Variants in EHBP1 observed in about 807,000 individuals in gnomAD.
EHBP1 encodes EH domain binding protein 1, also known as EH domain-binding protein 1.
A neutral mutation model predicts 144.0 loss-of-function variants in EHBP1; 55 were observed. That is an observed-to-expected ratio of 0.38 (90% CI 0.31 to 0.48). EHBP1 has a LOEUF of 0.48. Among genes scored for constraint, EHBP1 ranks in the 20% least tolerant of loss-of-function variants. The probability of loss-of-function intolerance (pLI) is 0.98; values close to 1 mark genes in which losing one functional copy is unlikely to be tolerated. For synonymous variants in EHBP1, 469 were observed against 472.7 expected, an observed-to-expected ratio of 0.99 and a Z score of 0.10; for missense variants, 1,200 against 1,364.2, an observed-to-expected ratio of 0.88 and a Z score of 1.90.
intron 5 of EHBP1, among the ~76,000 whole-genome samples, chr2:62,823,160 G>C (rs1302093248): frequency 6.6e-6 from 1 of 151,968 alleles, no homozygotes; most frequent in East Asian, 1.9e-4. Flanking sequence ...TTTTAATAAT[G>C]TTTCTTAGTT....
At chr2:62,915,187 C>A (rs916041030) in intron 10 of EHBP1, among the ~76,000 whole-genome samples, 3 of 151,796 alleles carry the variant, frequency 2.0e-5, no homozygotes, top group East Asian at 1.9e-4. Flanking sequence ...TGTAAAGATT[C>A]TTTTTGCTAT....
chr2:62,756,177 T>C (rs1377934352), intron 3 of EHBP1, among the ~76,000 whole-genome samples: 1 of 152,168 alleles, frequency 6.6e-6, no homozygotes, highest in Non-Finnish European at 1.5e-5. Context: ...TGCATTTACA[T>C]TGAAAAGATT....
chr2:62,816,224 T>C (rs1291748086), intron 5 of EHBP1, among the ~76,000 whole-genome samples: 1 of 152,228 alleles, frequency 6.6e-6, no homozygotes, highest in Non-Finnish European at 1.5e-5. Flanking sequence ...AACCAGACTT[T>C]AAAGAGACTT....
At chr2:62,713,027 T>C (rs2035306500) in intron 2 of EHBP1, among the ~76,000 whole-genome samples, 2 of 152,190 alleles carry the variant, frequency 1.3e-5, no homozygotes, top group South Asian at 4.1e-4. Context: ...AGATAATCTT[T>C]TGCACCTTCC....
rs531081676 is a variant in EHBP1 at position 62,845,777 on chromosome 2, C to T, written c.635-13392C>T. On this transcript the variant is annotated intron_variant, in intron 7 of 22. Transcript: ENST00000431489. ...TACTTGGAGGTTGACATGAGAGGAT[C>T]GCCTTAGCCAAAAAAAATTTTGTTT... Among the ~76,000 whole-genome samples, 10 of 150,618 alleles carry T rather than the reference C, an allele frequency of 6.6e-5. No homozygotes were observed. In the East Asian group the frequency reaches 7.8e-4, roughly 12 times the overall value.
At chr2:62,957,898 G>A (rs1163070251) in intron 14 of EHBP1, among the ~76,000 whole-genome samples, 9 of 151,680 alleles carry the variant, frequency 5.9e-5, no homozygotes, top group Admixed American at 4.6e-4. Context: ...CGCCCGCCTC[G>A]GCCTCCCAAA....
chr2:62,696,796 C>T (rs1007525958), intron 1 of EHBP1, among the ~76,000 whole-genome samples: 3 of 151,994 alleles, frequency 2.0e-5, no homozygotes, highest in African/African-American at 7.2e-5. Flanking sequence ...GGATTACAGG[C>T]GTGAGCCACC....
chr2:62,936,129 G>A (rs190380661), intron 10 of EHBP1, among the ~76,000 whole-genome samples: 54 of 152,198 alleles, frequency 3.5e-4, no homozygotes, highest in Admixed American at 3.3e-3. Context: ...AAATGAGTTA[G>A]AGAATAAGCT....
intron 10 of EHBP1, among the ~76,000 whole-genome samples, chr2:62,928,228 T>C (rs1326440444): frequency 1.3e-5 from 2 of 152,194 alleles, no homozygotes; most frequent in Non-Finnish European, 2.9e-5. Context: ...GCCTGTTAGA[T>C]AGTACTCTGT....
chr2:62,874,253 A>G (rs1380798058), intron 9 of EHBP1, 93 bp from the exon 10 acceptor site: 2 of 993,460 alleles, frequency 2.0e-6, no homozygotes, highest in Non-Finnish European at 2.8e-6. Context: ...ATTTGAAAAA[A>G]GAAATTTTAG....
intron 5 of EHBP1, among the ~76,000 whole-genome samples, chr2:62,777,155 A>G (rs767573123): frequency 1.5e-4 from 23 of 152,126 alleles, no homozygotes; most frequent in Non-Finnish European, 2.9e-4. Flanking sequence ...TCTATTTTGT[A>G]GAGACGGAGT....
At chr2:62,939,269 C>CT (rs1211704189) in intron 10 of EHBP1, among the ~76,000 whole-genome samples, 3 of 151,762 alleles carry the variant, frequency 2.0e-5, no homozygotes, top group Non-Finnish European at 4.4e-5. Flanking sequence ...AAATGGATTG[C>CT]TTTTTTTTCT....
At chr2:62,946,536 G>T (rs1185017800) in intron 12 of EHBP1, among the ~76,000 whole-genome samples, 1 of 152,076 alleles carries the variant, frequency 6.6e-6, no homozygotes, top group African/African-American at 2.4e-5. Flanking sequence ...TAACCCATGT[G>T]CCCTTGAATG....
chr2:62,828,645 A>G (rs1393009086), intron 6 of EHBP1, among the ~76,000 whole-genome samples: 1 of 152,192 alleles, frequency 6.6e-6, no homozygotes, highest in Admixed American at 6.5e-5. Flanking sequence ...GGGGTTTGCC[A>G]CTTTGTTTCC....
intron 2 of EHBP1, among the ~76,000 whole-genome samples, chr2:62,729,689 C>T (rs1233066745): frequency 6.8e-6 from 1 of 146,142 alleles, no homozygotes; most frequent in Non-Finnish European, 1.5e-5. Flanking sequence ...AATGAATAGC[C>T]TTTATGTTTG....
At chr2:62,943,237 G>A (rs1170724359) in intron 11 of EHBP1, among the ~76,000 whole-genome samples, 1 of 152,116 alleles carries the variant, frequency 6.6e-6, no homozygotes, top group Non-Finnish European at 1.5e-5. Context: ...TTAGCCAGGT[G>A]TGGTGGCGCA....
chr2:62,898,584 C>A (rs1271235157), intron 10 of EHBP1, among the ~76,000 whole-genome samples: 1 of 152,136 alleles, frequency 6.6e-6, no homozygotes, highest in Non-Finnish European at 1.5e-5. Context: ...CCCTGAGTAC[C>A]CTATATAAAC....
At chr2:62,960,256 C>T (rs1347223269) in intron 14 of EHBP1, among the ~76,000 whole-genome samples, 1 of 152,002 alleles carries the variant, frequency 6.6e-6, no homozygotes, top group African/African-American at 2.4e-5. Flanking sequence ...CCCTTTACAG[C>T]CTCATTTCTT....
At position 62,753,041 on chromosome 2, in the gene EHBP1, A is replaced by G. The variant is rs1280615419; in HGVS notation, c.162+5589A>G. Among the ~76,000 whole-genome samples the G allele has an allele frequency of 2.6e-5, 4 of 152,164 alleles. No homozygotes were observed. The South Asian group carries it at 8.3e-4, about 32-fold the overall frequency. On this transcript the variant is annotated intron_variant, in intron 3 of 22. Coordinates refer to ENST00000431489, the MANE Select transcript of EHBP1 (RefSeq NM_001142616.3). The stretch of plus-strand genomic sequence containing the variant: ...TGTTATGTGTGAATTTGATCCTGTC[A>G]TTATGATGTTAGCTGGTTATTTTGC...
Sources: gnomAD v4.1 joint callset for allele counts (sites outside exome capture counted in the v4.1 genomes callset) on GRCh38, gnomAD v4.1.1 for gene constraint, MANE v1.5 for transcripts, NCBI Gene and HGNC (gene_info 2026-07-23, HGNC 2026-07-21) for gene names.